The following TRPM5 variants were observed in gnomAD, a reference collection of about 807,000 sequenced individuals.
TRPM5 encodes transient receptor potential cation channel subfamily M member 5, also known as MLSN1 and TRP-related.
In TRPM5, 121 loss-of-function variants were observed where a neutral mutation model predicts 124.9. The observed-to-expected ratio is 0.97, with a 90% confidence interval of 0.84 to 1.13. TRPM5 has a LOEUF of 1.13. Ranked by LOEUF, TRPM5 falls within the 50% of genes most tolerant of loss-of-function variation. The pLI, the probability that TRPM5 is intolerant of heterozygous loss-of-function variation, is 0.00. For synonymous variants in TRPM5, 781 were observed against 700.5 expected (o/e 1.11, Z -1.81); for missense variants, 1,643 against 1,589.1 (o/e 1.03, Z -0.58).
At chr11:2,410,085 G>C (rs1300100204) in intron 18 of TRPM5, among the ~76,000 whole-genome samples, 1 of 152,240 alleles carries the variant, frequency 6.6e-6, no homozygotes, top group African/African-American at 2.4e-5. Flanking sequence ...AGGCCGTATG[G>C]TGAGGGCGAG....
chr11:2,421,155 C>A (rs552166045), exon 3 of TRPM5: 1 of 1,542,084 alleles, frequency 6.5e-7, no homozygotes. Flanking sequence ...GCCCGACATG[C>A]CTGGCCAGGC....
chr11:2,407,372 C>T, intron 19 of TRPM5, 72 bp from the exon 25 acceptor site: 1 of 1,443,170 alleles, frequency 6.9e-7, no homozygotes, highest in South Asian at 1.3e-5. Context: ...CCCCTGCACC[C>T]TGATTGCTGT....
Position 2,405,868 on chromosome 11 carries a change from C to T in TRPM5, c.3324+151G>A. The T allele has an allele frequency of 9.2e-6, 7 of 758,880 alleles. No homozygotes were observed. In the South Asian group the frequency reaches 1.2e-4, roughly 13 times the overall value. The allele number at this position is 758,880 out of a possible 1,614,324, so 47.0% of individuals were successfully genotyped here. The stretch of plus-strand genomic sequence containing the variant: ...ACAGGTGGGGACGGCCTGTCTTCCC[C>T]AGAACGCTCCTCTGCCCACTGGGGT... On this transcript the variant is annotated intron_variant, in intron 22 of 23. Coordinates refer to ENST00000155858, the Ensembl canonical transcript of TRPM5.
intron 21 of TRPM5, among the ~76,000 whole-genome samples, 157 bp downstream of exon 26, chr11:2,406,504 C>T (rs1457293626): frequency 6.6e-6 from 1 of 152,202 alleles, no homozygotes; most frequent in East Asian, 1.9e-4. Context: ...CTGCACAGGT[C>T]AGGCTGGAAA....
chr11:2,435,782 C>T, the TRPM5 span, among the ~76,000 whole-genome samples: 1 of 152,180 alleles, frequency 6.6e-6, no homozygotes, highest in Non-Finnish European at 1.5e-5. This position sits in a 1 kb window ranked among gnomAD's most constrained non-coding sequence, Gnocchi z 4.1. Flanking sequence ...TCCATCTGTC[C>T]ATCTCTCTAC....
chr11:2,417,594 CAT>C (rs1267238327), intron 7 of TRPM5, 131 bp downstream of exon 12: 13 of 644,542 alleles, frequency 2.0e-5, no homozygotes, highest in African/African-American at 1.4e-4. Flanking sequence ...CTTCATGAAT[CAT>C]GTGTCATCTT....
chr11:2,417,706 G>GGGGCCCCCCC, intron 7 of TRPM5, 21 bp downstream of exon 12: 1 of 1,087,304 alleles, frequency 9.2e-7, no homozygotes, highest in Non-Finnish European at 1.4e-6. Flanking sequence ...CGCCTGCCTT[G>GGGGCCCCCCC]CCCACCCTGC....
upstream of TRPM5, among the ~76,000 whole-genome samples, chr11:2,423,306 T>A (rs1845798167): frequency 6.6e-6 from 1 of 152,180 alleles, no homozygotes; most frequent in Non-Finnish European, 1.5e-5. Context: ...ATGGGATGTG[T>A]GGGGCTCCGC....
upstream of TRPM5, among the ~76,000 whole-genome samples, chr11:2,426,102 G>A (rs551776116): frequency 1.0e-3 from 153 of 152,310 alleles, 4 homozygotes; most frequent in South Asian, 0.031. Context: ...GGGACGACCA[G>A]CAGCCATCAG....
Position 2,406,568 on chromosome 11 carries a change from C to T in TRPM5, c.3251+93G>A, listed in dbSNP as rs150674783. 73 of 1,489,634 alleles carry T rather than the reference C, an allele frequency of 4.9e-5. 1 individual carries two copies. Among genetic ancestry groups the T allele is most frequent in the Admixed American group, 2.1e-4 (10 of 48,020 alleles). The allele number at this position is 1,489,634 out of a possible 1,614,324, so 92.3% of individuals were successfully genotyped here. A position where few individuals can be genotyped will look rare whatever the true frequency, so the allele number is the denominator to read the frequency against. ...TGCCCCTACCCCTTCAGCTTCAGTT[C>T]GCCAGCTCAGATCCTCTGTCACTGG... On this transcript the variant is annotated intron_variant, in intron 21 of 23. Transcript: ENST00000155858.
At chr11:2,417,753 G>A (rs763058714) in exon 7 of TRPM5, 10 of 1,364,018 alleles carry the variant, frequency 7.3e-6, no homozygotes, top group East Asian at 4.1e-5. Context: ...CAGGATGACC[G>A]TGTCCAGCTC....
At chr11:2,429,977 C>G in the TRPM5 span, among the ~76,000 whole-genome samples, 2 of 143,106 alleles carry the variant, frequency 1.4e-5, no homozygotes, top group Admixed American at 6.9e-5. This position sits in a 1 kb window ranked among gnomAD's most constrained non-coding sequence, Gnocchi z 8.4. Context: ...GAAGGTGCCT[C>G]TAAGTCTATG....
At chr11:2,407,010 G>T in intron 20 of TRPM5, 109 bp downstream of exon 25, 1 of 1,373,680 alleles carries the variant, frequency 7.3e-7, no homozygotes, top group Non-Finnish European at 9.6e-7. Context: ...GGACCCACAG[G>T]GCTGAGGAGG....
Position 2,418,194 on chromosome 11 carries a change from C to T in TRPM5, c.879G>A (p.Trp293Ter). ...GCTTGGTCCAGCGCACGATGTCCTCCCAAGAGAAATGCTTGCTGGGGAACT... is the reference window on the plus strand; with the variant it reads ...GCTTGGTCCAGCGCACGATGTCCTCTCAAGAGAAATGCTTGCTGGGGAACT... Residue 293 changes from tryptophan to a stop codon, truncating the protein, a stop_gained, in exon 6 of 24, where the codon TGG (tryptophan) becomes TGA (stop). Coordinates refer to ENST00000155858, the Ensembl canonical transcript of TRPM5. LOFTEE classifies it high-confidence loss of function. 2.5e-6 allele frequency: 4 copies of T among 1,581,886 alleles called. No individual in the cohort carries two copies. Among genetic ancestry groups the T allele is most frequent in the South Asian group, 1.1e-5 (1 of 87,012 alleles).
intron 21 of TRPM5, 62 bp downstream of exon 26, chr11:2,406,599 A>G (rs1589864944): frequency 2.0e-6 from 3 of 1,537,752 alleles, no homozygotes; most frequent in Non-Finnish European, 1.8e-6. Context: ...ACTGGCGCCA[A>G]TGGCACATCC....
chr11:2,430,051 C>A, the TRPM5 span, among the ~76,000 whole-genome samples: 10,992 of 151,730 alleles, frequency 0.072, 442 homozygotes, highest in African/African-American at 0.12. Context: ...TCCTGGACAC[C>A]CAAAAAAACT....
chr11:2,415,797 C>T, intron 8 of TRPM5, 109 bp downstream of exon 13: 1 of 831,762 alleles, frequency 1.2e-6, no homozygotes, highest in Non-Finnish European at 1.9e-6. Context: ...CTTGGGACAG[C>T]TGGGCAGAAC....
chr11:2,418,312 A>G (rs3986599), exon 6 of TRPM5: 1,079,857 of 1,568,652 alleles, frequency 0.69, 376,855 homozygotes, highest in African/African-American at 0.93. Flanking sequence ...CCCCGAGCCT[A>G]CCAGGATCAG....
At chr11:2,412,610 G>T (rs1044451655) in intron 15 of TRPM5, 144 bp downstream of exon 20, 3 of 916,258 alleles carry the variant, frequency 3.3e-6, no homozygotes, top group Admixed American at 5.8e-5. Flanking sequence ...GATCATGGCC[G>T]CTGGTGACTG....
Sources: gnomAD v4.1 joint callset for allele counts (sites outside exome capture counted in the v4.1 genomes callset) on GRCh38, gnomAD v4.1.1 for gene constraint, Gnocchi (gnomAD v3.1) non-coding constraint, MANE v1.5 for transcripts, NCBI Gene and HGNC (gene_info 2026-07-23, HGNC 2026-07-21) for gene names.